Variants in METTL15 observed in about 807,000 individuals in gnomAD.
METTL15 encodes the protein methyltransferase 15, mitochondrial 12S rRNA N4-cytidine.
METTL15 carries 34 observed loss-of-function variants against 38.3 expected under a neutral mutation model. The ratio of observed to expected loss-of-function variants is 0.89; its 90% confidence interval spans 0.68 to 1.18. The LOEUF is 1.18. Ranked by LOEUF, METTL15 falls within the 50% of genes most tolerant of loss-of-function variation. The probability of loss-of-function intolerance (pLI) is 0.00; values close to 1 mark genes in which losing one functional copy is unlikely to be tolerated. For synonymous variants in METTL15, 162 were observed against 170.9 expected, an observed-to-expected ratio of 0.95 and a Z score of 0.41; for missense variants, 438 against 498.4, an observed-to-expected ratio of 0.88 and a Z score of 1.15.
intron 5 of METTL15, among the ~76,000 whole-genome samples, chr11:28,401,274 C>T (rs1310140061): frequency 6.6e-6 from 1 of 151,972 alleles, no homozygotes; most frequent in Non-Finnish European, 1.5e-5. Flanking sequence ...CCTATGGCTA[C>T]TGTCCACAAA....
chr11:28,487,795 C>T (rs1851450570), intron 6 of METTL15, among the ~76,000 whole-genome samples: 1 of 152,126 alleles, frequency 6.6e-6, no homozygotes, highest in Non-Finnish European at 1.5e-5. Context: ...TTTCCTTGGC[C>T]ATCTGTGGCA....
chr11:28,499,385 T>G (rs966619283), intron 6 of METTL15, among the ~76,000 whole-genome samples: 1 of 152,220 alleles, frequency 6.6e-6, no homozygotes, highest in Non-Finnish European at 1.5e-5. Context: ...TAAGAAGTCC[T>G]TTGTAACTAT....
intron 3 of METTL15, among the ~76,000 whole-genome samples, chr11:28,152,040 A>G (rs1444401413): frequency 6.6e-6 from 1 of 152,014 alleles, no homozygotes; most frequent in East Asian, 1.9e-4. Context: ...ATATAACACT[A>G]GTTAGTGGAT....
At chr11:28,390,014 G>T (rs1350720042) in intron 5 of METTL15, among the ~76,000 whole-genome samples, 5 of 151,576 alleles carry the variant, frequency 3.3e-5, no homozygotes, top group African/African-American at 1.2e-4. Flanking sequence ...GTGTCTTTTG[G>T]CTGCATAAAT....
intron 4 of METTL15, among the ~76,000 whole-genome samples, chr11:28,354,097 T>C (rs1590342761): frequency 6.6e-6 from 1 of 152,226 alleles, no homozygotes; most frequent in East Asian, 1.9e-4. Context: ...GAACGTACCA[T>C]TGGAGCAGGA....
At chr11:28,355,909 A>G (rs966500732) in intron 4 of METTL15, among the ~76,000 whole-genome samples, 6 of 152,120 alleles carry the variant, frequency 3.9e-5, no homozygotes, top group Non-Finnish European at 8.8e-5. Context: ...ACTTTATCTT[A>G]TACTATCTTT....
At chr11:28,196,942 T>C (rs1413131936) in intron 3 of METTL15, among the ~76,000 whole-genome samples, 2 of 151,968 alleles carry the variant, frequency 1.3e-5, no homozygotes, top group Non-Finnish European at 2.9e-5. Context: ...TGATTAGTGG[T>C]ATGATAAAAT....
chr11:28,271,763 T>C (rs1855648940), intron 4 of METTL15, among the ~76,000 whole-genome samples: 2 of 152,070 alleles, frequency 1.3e-5, no homozygotes, highest in Non-Finnish European at 2.9e-5. Flanking sequence ...CGAAAGAAAC[T>C]ATCATCAGAG....
At chr11:28,315,618 A>G (rs1180466010) in intron 6 of METTL15, among the ~76,000 whole-genome samples, 2 of 152,232 alleles carry the variant, frequency 1.3e-5, no homozygotes, top group Non-Finnish European at 2.9e-5. Context: ...TCCCCAAGAC[A>G]ATGGGGAAAA....
intron 5 of METTL15, among the ~76,000 whole-genome samples, chr11:28,413,993 A>G (rs1380527319): frequency 6.6e-6 from 1 of 152,156 alleles, no homozygotes; most frequent in Non-Finnish European, 1.5e-5. Context: ...CCAAGGCATT[A>G]TATTATCCAT....
intron 5 of METTL15, among the ~76,000 whole-genome samples, chr11:28,389,793 T>A (rs1480481750): frequency 2.0e-3 from 301 of 151,754 alleles, no homozygotes; most frequent in African/African-American, 5.9e-3. Context: ...TCTAGATCCC[T>A]GAGGAATCGC....
At chr11:28,450,683 G>C (rs934362903) in intron 6 of METTL15, among the ~76,000 whole-genome samples, 3 of 152,142 alleles carry the variant, frequency 2.0e-5, no homozygotes, top group African/African-American at 7.2e-5. Context: ...GACTTTAGTG[G>C]ATTCAGTAAA....
At chr11:28,217,338 C>T (rs1189269925) in intron 4 of METTL15, among the ~76,000 whole-genome samples, 1 of 152,142 alleles carries the variant, frequency 6.6e-6, no homozygotes, top group African/African-American at 2.4e-5. Context: ...TTACATGTGT[C>T]TTTTGGCTGC....
rs950464133 is a variant in METTL15, at chr11:28,174,670, C to T, written c.271-36392C>T. 4.0e-5 allele frequency among the ~76,000 whole-genome samples: 6 copies of T among 151,770 alleles called. No individual in the cohort carries two copies. In the East Asian group the frequency reaches 1.2e-3, roughly 30 times the overall value. On this transcript the variant is annotated intron_variant, in intron 3 of 6. Coordinates refer to ENST00000407364, the MANE Select transcript of METTL15 (RefSeq NM_001113528.2). ...TCTACTAAAAATACAAAAAAAATTG[C>T]TGGGCGTGGTGGCAGGCGCCTGTAG...
intron 3 of METTL15, among the ~76,000 whole-genome samples, chr11:28,174,800 G>A (rs1360689374): frequency 7.5e-6 from 1 of 133,316 alleles, no homozygotes; most frequent in African/African-American, 2.8e-5. Flanking sequence ...GGGTGACAGA[G>A]CGAGATTCTG....
intron 3 of METTL15, among the ~76,000 whole-genome samples, chr11:28,344,579 G>C (rs924346323): frequency 6.6e-6 from 1 of 152,132 alleles, no homozygotes; most frequent in Non-Finnish European, 1.5e-5. Context: ...AAAGGGTAAA[G>C]GCTGAGATTT....
intron 6 of METTL15, among the ~76,000 whole-genome samples, chr11:28,437,825 C>G (rs1034845906): frequency 3.3e-5 from 5 of 152,126 alleles, no homozygotes; most frequent in Admixed American, 3.3e-4. Flanking sequence ...TTCACAGTGC[C>G]CAGCCCAGTT....
At chr11:28,486,530 T>G (rs547777096) in intron 6 of METTL15, among the ~76,000 whole-genome samples, 5 of 152,244 alleles carry the variant, frequency 3.3e-5, no homozygotes, top group African/African-American at 1.2e-4. Context: ...GACTGAGCCT[T>G]TCAATGTTTC....
At chr11:28,397,538 G>C (rs1850584700) in intron 5 of METTL15, among the ~76,000 whole-genome samples, 2 of 152,036 alleles carry the variant, frequency 1.3e-5, no homozygotes, top group African/African-American at 4.8e-5. Context: ...ACCACAATGA[G>C]ATACCATCTC....
Sources: allele counts gnomAD v4.1 joint callset (sites outside exome capture counted in the v4.1 genomes callset), GRCh38; gene constraint gnomAD v4.1.1; transcripts MANE v1.5; gene names NCBI Gene and HGNC (gene_info 2026-07-23, HGNC 2026-07-21).